IGF2BP1: variants seen among roughly 807,000 people sequenced by gnomAD.
The protein encoded by IGF2BP1 is insulin like growth factor 2 mRNA binding protein 1.
A neutral mutation model predicts 74.9 loss-of-function variants in IGF2BP1; 11 were observed. The ratio of observed to expected loss-of-function variants is 0.15; its 90% CI spans 0.09 to 0.24. The LOEUF is 0.24. IGF2BP1 is among the 10% of genes least tolerant of loss of function. The pLI is 1.00. For synonymous variants in IGF2BP1, 287 were observed against 281.8 expected, an observed-to-expected ratio of 1.02 and a Z score of -0.18; for missense variants, 440 against 757.4, an observed-to-expected ratio of 0.58 and a Z score of 4.92.
At position 49,043,999 on chromosome 17, in the gene IGF2BP1, T is replaced by C; in HGVS notation, c.1233T>C (p.Phe411=). The C allele has an allele frequency of 6.2e-7, 1 of 1,614,070 alleles. No homozygotes were observed. Among genetic ancestry groups the C allele is most frequent in the African/African-American group, 1.3e-5 (1 of 75,014 alleles). The part of the protein sequence containing the change: ...QAPEQEMVQV[F]IPAQAVGAII... ...CCGAGCAGGAGATGGTGCAGGTGTT[T>C]ATCCCCGCCCAGGCAGTGGGCGCCA... Residue 411 remains phenylalanine (F), a synonymous_variant, in exon 11 of 15, where the codon TTT becomes TTC. Coordinates refer to ENST00000290341, the MANE Select transcript of IGF2BP1 (RefSeq NM_006546.4).
chr17:49,052,830 A>G lies in IGF2BP1; in HGVS notation c.*3386A>G, dbSNP rs555838622. The G allele has an allele frequency of 1.3e-5, 2 of 152,456 alleles. No homozygotes were observed. The highest frequency in any genetic ancestry group is 2.4e-5 in the African/African-American group (1 of 41,476). 9.4% of individuals were successfully genotyped at this position (152,456 alleles called of 1,614,324 possible). On this transcript the variant is annotated 3_prime_UTR_variant, in exon 15 of 15. Transcript: ENST00000290341. ...AATGCTTCTGTGCTCTAAGATATAT[A>G]TGTGTGTGTGTGTGCTACATATATA...
At position 49,019,953 on chromosome 17, in the gene IGF2BP1, TATACAC is replaced by T. The variant is rs1567815938; in HGVS notation, c.237-5663_237-5658del. 2.2e-3 allele frequency among the ~76,000 whole-genome samples: 89 copies of T among 40,058 alleles called. 5 individuals are homozygous for T. Among genetic ancestry groups the T allele is most frequent in the African/African-American group, 0.012 (80 of 6,504 alleles). 26.3% of individuals were successfully genotyped at this position (40,058 alleles called of 152,430 possible). On this transcript the variant is annotated intron_variant, in intron 2 of 14. Coordinates refer to ENST00000290341, the MANE Select transcript of IGF2BP1 (RefSeq NM_006546.4). Reference sequence around the variant, plus strand: ...ATATATATATATATATATATATTTATATACACACACACACACACACACATACACCCA... The same window carrying T: ...ATATATATATATATATATATATTTATACACACACACACACACATACACCCA...
intron 11 of IGF2BP1, among the ~76,000 whole-genome samples, chr17:49,044,734 T>C (rs958852271): frequency 4.6e-5 from 7 of 152,222 alleles, no homozygotes; most frequent in Non-Finnish European, 2.9e-5. Context: ...TCTGGGAGAT[T>C]GGTAGGTGGA....
chr17:49,046,181 C>G, intron 13 of IGF2BP1, 79 bp from the exon 14 acceptor site: 1 of 1,445,710 alleles, frequency 6.9e-7, no homozygotes, highest in South Asian at 1.2e-5. Flanking sequence ...GTTCTCCCCA[C>G]TAGTCACCCT....
intron 11 of IGF2BP1, among the ~76,000 whole-genome samples, chr17:49,044,385 C>G (rs745563795): frequency 4.6e-5 from 7 of 152,124 alleles, no homozygotes; most frequent in Non-Finnish European, 1.0e-4. Context: ...TCACCCCTTC[C>G]CCCAATACAC....
rs964597310 is a variant in IGF2BP1, at chr17:49,021,076, G to A, written c.237-4542G>A. Among the ~76,000 whole-genome samples the A allele has an allele frequency of 3.3e-5, 5 of 151,828 alleles. No homozygotes were observed. In the East Asian group the frequency reaches 9.7e-4, roughly 29 times the overall value. Reference sequence around the variant, plus strand: ...GAGGACCCCTTGAGCCTGGGAAGTCGAGGCTGCAGTGAGCCAAGGTCTCAC... The same window carrying A: ...GAGGACCCCTTGAGCCTGGGAAGTCAAGGCTGCAGTGAGCCAAGGTCTCAC... On this transcript the variant is annotated intron_variant, in intron 2 of 14. Coordinates refer to ENST00000290341, the MANE Select transcript of IGF2BP1 (RefSeq NM_006546.4).
Position 49,049,335 on chromosome 17 carries a change from G to A in IGF2BP1, c.1642-17G>A, listed in dbSNP as rs761329102. The A allele has an allele frequency of 6.2e-7, 1 of 1,613,132 alleles. No individual in the cohort carries two copies. Among genetic ancestry groups the A allele is most frequent in the East Asian group, 2.2e-5 (1 of 44,872 alleles). The stretch of plus-strand genomic sequence containing the variant: ...TTGGAGGTCTCACACCCACTCTCTT[G>A]CCTGTTCTTGCTGCAGATGGCTCAA... On this transcript the variant is annotated splice_polypyrimidine_tract_variant and intron_variant, in intron 14 of 14. Transcript: ENST00000290341.
chr17:49,023,529 C>T (rs1180815888), intron 2 of IGF2BP1, among the ~76,000 whole-genome samples: 1 of 152,174 alleles, frequency 6.6e-6, no homozygotes, highest in Non-Finnish European at 1.5e-5. Flanking sequence ...ACTTTTACAA[C>T]TAGAGCTTAG....
intron 2 of IGF2BP1, among the ~76,000 whole-genome samples, chr17:49,020,844 T>G (rs1047948309): frequency 1.3e-5 from 2 of 152,102 alleles, no homozygotes; most frequent in East Asian, 3.9e-4. Context: ...AAGAAATTAT[T>G]GTCATCCTGG....
intron 3 of IGF2BP1, among the ~76,000 whole-genome samples, chr17:49,025,916 C>T (rs190341380): frequency 2.8e-5 from 4 of 144,198 alleles, no homozygotes; most frequent in East Asian, 4.1e-4. Context: ...AGTGCAGTGG[C>T]GCGATCTCGA....
At chr17:48,999,424 A>G (rs2041457253) in intron 2 of IGF2BP1, among the ~76,000 whole-genome samples, 1 of 152,112 alleles carries the variant, frequency 6.6e-6, no homozygotes, top group Non-Finnish European at 1.5e-5. Context: ...TAAAGGGGAA[A>G]GAAAATCAAT....
At position 49,055,336 on chromosome 17, in the gene IGF2BP1, C is replaced by A; in HGVS notation, c.*5892C>A. The A allele has an allele frequency of 3.4e-6, 1 of 293,408 alleles. No homozygotes were observed. Among genetic ancestry groups the A allele is most frequent in the Non-Finnish European group, 6.3e-6 (1 of 158,908 alleles). 18.2% of individuals were successfully genotyped at this position (293,408 alleles called of 1,614,324 possible). ...AACAGCTTTCACAGTCTGCCCCTGG[C>A]CTGTCTCACCCCATCCCCCACCCTA... is the stretch of plus-strand genomic sequence containing the variant. On this transcript the variant is annotated 3_prime_UTR_variant, in exon 15 of 15. Transcript: ENST00000290341.
intron 2 of IGF2BP1, among the ~76,000 whole-genome samples, chr17:49,004,242 T>G (rs2041520784): frequency 6.6e-6 from 1 of 152,222 alleles, no homozygotes; most frequent in Non-Finnish European, 1.5e-5. Context: ...TGGTGCGCCT[T>G]AGTCCTGGGA....
At chr17:49,015,776 G>T (rs2041693006) in intron 2 of IGF2BP1, among the ~76,000 whole-genome samples, 1 of 152,158 alleles carries the variant, frequency 6.6e-6, no homozygotes, top group African/African-American at 2.4e-5. Flanking sequence ...TTCTGTTTTG[G>T]CCTCCTTGGG....
At chr17:49,010,500 T>G (rs1382015501) in intron 2 of IGF2BP1, among the ~76,000 whole-genome samples, 1 of 151,792 alleles carries the variant, frequency 6.6e-6, no homozygotes, top group African/African-American at 2.4e-5. Flanking sequence ...GTATTTTTAG[T>G]AGAGACGGGG....
chr17:49,011,473 T>C (rs1346546967), intron 2 of IGF2BP1, among the ~76,000 whole-genome samples: 1 of 152,230 alleles, frequency 6.6e-6, no homozygotes, highest in East Asian at 1.9e-4. Flanking sequence ...ATCTTCATCC[T>C]ACAGAAGAAT....
intron 5 of IGF2BP1, among the ~76,000 whole-genome samples, chr17:49,037,642 A>G (rs2042005059): frequency 2.0e-5 from 3 of 152,216 alleles, no homozygotes; most frequent in Admixed American, 1.3e-4. Flanking sequence ...TGAATTCTAC[A>G]TGTATACATT....
intron 3 of IGF2BP1, 91 bp from the exon 4 acceptor site, chr17:49,026,375 C>T (rs992019272): frequency 6.2e-5 from 70 of 1,123,724 alleles, no homozygotes; most frequent in Non-Finnish European, 8.2e-5. Context: ...TGTCAATGCC[C>T]GATTGCTTTG....
intron 6 of IGF2BP1, among the ~76,000 whole-genome samples, chr17:49,039,123 G>A (rs921339780): frequency 9.2e-5 from 14 of 152,044 alleles, no homozygotes; most frequent in African/African-American, 3.1e-4. Context: ...TGATCCGGCC[G>A]CCTCAGCCTC....
Sources: allele counts gnomAD v4.1 joint callset (sites outside exome capture counted in the v4.1 genomes callset), GRCh38; gene constraint gnomAD v4.1.1; transcripts MANE v1.5; gene names NCBI Gene and HGNC (gene_info 2026-07-23, HGNC 2026-07-21).